AGBL1: variants seen among roughly 807,000 people sequenced by gnomAD.
AGBL1 encodes AGBL carboxypeptidase 1.
A neutral mutation model predicts 118.9 loss-of-function variants in AGBL1; 130 were observed. The observed-to-expected ratio is 1.09, with a 90% confidence interval of 0.95 to 1.26. The LOEUF (loss-of-function observed/expected upper bound fraction) is 1.26. Among genes scored for constraint, AGBL1 ranks in the 50% most tolerant of loss-of-function variants. AGBL1 has a pLI of 0.00. For missense variants in AGBL1, 1,584 were observed against 1,298.1 expected, an observed-to-expected ratio of 1.22 and a Z score of -3.38; for synonymous variants, 555 against 478.9, an observed-to-expected ratio of 1.16 and a Z score of -2.08.
At chr15:86,874,409 C>CACACACACACACACA in intron 22 of AGBL1, among the ~76,000 whole-genome samples, 1 of 151,100 alleles carries the variant, frequency 6.6e-6, no homozygotes, top group Non-Finnish European at 1.5e-5. Flanking sequence ...CACACACACA[C>CACACACACACACACA]CCTGGGGCCA....
At chr15:86,133,544 T>G (rs2076846281) in intron 1 of AGBL1, among the ~76,000 whole-genome samples, 1 of 152,258 alleles carries the variant, frequency 6.6e-6, no homozygotes. Flanking sequence ...ACATGCTGTC[T>G]ATGTATTCGT....
At chr15:86,863,448 C>G (rs944959642) in intron 22 of AGBL1, among the ~76,000 whole-genome samples, 1 of 151,944 alleles carries the variant, frequency 6.6e-6, no homozygotes, top group African/African-American at 2.4e-5. Flanking sequence ...TAATGGATGT[C>G]TCATCCACAG....
rs950673114 is a variant in AGBL1, at chr15:86,676,290, A to G, written c.3158+1854A>G. Among the ~76,000 whole-genome samples, 6 of 152,096 alleles carry G rather than the reference A, an allele frequency of 3.9e-5. 1 individual carries two copies. Among genetic ancestry groups the G allele is most frequent in the Admixed American group, 2.6e-4 (4 of 15,274 alleles). On this transcript the variant is annotated intron_variant, in intron 22 of 22. Transcript: ENST00000614907. ...TTCACCCAGACATTTGTATGGTAAT[A>G]TATTTTCCTATTCGTTATGATGCAG...
At chr15:86,969,438 C>T (rs2081085254) in intron 23 of AGBL1, among the ~76,000 whole-genome samples, 1 of 151,696 alleles carries the variant, frequency 6.6e-6, no homozygotes, top group African/African-American at 2.4e-5. Flanking sequence ...AGTGGAACAC[C>T]TTAAGTCTCT....
chr15:86,964,031 C>CTCTGTG (rs1183866210), intron 23 of AGBL1, among the ~76,000 whole-genome samples: 13,388 of 145,898 alleles, frequency 0.092, 757 homozygotes, highest in East Asian at 0.18. Flanking sequence ...CTCTCTCTCT[C>CTCTGTG]TGTGTGTGTG....
chr15:86,141,145 C>T (rs1336960530), intron 1 of AGBL1, among the ~76,000 whole-genome samples: 7 of 152,206 alleles, frequency 4.6e-5, no homozygotes, highest in Non-Finnish European at 8.8e-5. Context: ...TCAGGAGACT[C>T]AGCAAGTCCA....
intron 22 of AGBL1, among the ~76,000 whole-genome samples, chr15:86,686,816 C>A (rs144283730): frequency 1.1e-4 from 17 of 152,078 alleles, no homozygotes; most frequent in African/African-American, 3.9e-4. Flanking sequence ...TATACATATC[C>A]CATTGGACAG....
intron 24 of AGBL1, among the ~76,000 whole-genome samples, chr15:87,009,691 C>T (rs1596736612): frequency 6.6e-6 from 1 of 152,194 alleles, no homozygotes; most frequent in African/African-American, 2.4e-5. Context: ...CCTGTGAAGC[C>T]ACAGGGGCAG....
chr15:86,659,604 A>T (rs1596345048), intron 21 of AGBL1, among the ~76,000 whole-genome samples: 1 of 152,116 alleles, frequency 6.6e-6, no homozygotes, highest in African/African-American at 2.4e-5. Context: ...AATACATCCC[A>T]GTTCTTTTGT....
chr15:86,149,867 A>G (rs1425069071), intron 3 of AGBL1, among the ~76,000 whole-genome samples: 3 of 152,214 alleles, frequency 2.0e-5, no homozygotes, highest in Non-Finnish European at 4.4e-5. Context: ...AATAGACCAC[A>G]TAATTGGAAG....
chr15:86,587,650 T>C (rs1430035219), intron 21 of AGBL1, among the ~76,000 whole-genome samples: 3 of 152,202 alleles, frequency 2.0e-5, no homozygotes, highest in African/African-American at 7.2e-5. Flanking sequence ...TGAGGGTGTG[T>C]ACCTTTTAGT....
At position 86,615,251 on chromosome 15, in the gene AGBL1, G is replaced by C. The variant is rs2084705325; in HGVS notation, c.2995-59022G>C. Among the ~76,000 whole-genome samples, 1 of 152,170 alleles carries C rather than the reference G, an allele frequency of 6.6e-6. No homozygotes were observed. On this transcript the variant is annotated intron_variant, in intron 21 of 22. Coordinates refer to ENST00000614907, the MANE Select transcript of AGBL1 (RefSeq NM_001386094.1). The surrounding 1 kb of genome is among the most constrained non-coding windows in gnomAD (Gnocchi z 4.3). ...ATTGGAAGTAGAGTAGAGGGCCAGG[G>C]AGACTAAAAACAGACTATTGACTAA... is the stretch of plus-strand genomic sequence containing the variant.
chr15:86,958,036 CT>C (rs1449596293), intron 23 of AGBL1, among the ~76,000 whole-genome samples: 2 of 151,404 alleles, frequency 1.3e-5, no homozygotes, highest in Non-Finnish European at 2.9e-5. Context: ...ACCCTTGTAA[CT>C]TAAAAATAAA....
intron 17 of AGBL1, chr15:86,296,010 A>G (rs565690370): frequency 6.5e-6 from 1 of 153,114 alleles, no homozygotes; most frequent in Non-Finnish European, 1.5e-5. Flanking sequence ...AGACGTGTAG[A>G]CACAAACATA....
chr15:86,143,849 C>G lies in AGBL1; in HGVS notation c.262+4C>G. ...CTGGCCAAAGTTGGCCTAAGAGGTA[C>G]TCGTACTCCAAGACCTAAAGCTGAC... On this transcript the variant is annotated splice_donor_region_variant and intron_variant, in intron 3 of 22. Transcript: ENST00000614907. The G allele has an allele frequency of 6.2e-7, 1 of 1,613,386 alleles. No homozygotes were observed.
At chr15:86,243,285 CAGTTTTTAA>C (rs2078667830) in intron 6 of AGBL1, among the ~76,000 whole-genome samples, 1 of 152,162 alleles carries the variant, frequency 6.6e-6, no homozygotes, top group African/African-American at 2.4e-5. Context: ...TATTCCCTTC[CAGTTTTTAA>C]GTGTAAAAAT....
At chr15:86,663,737 ATG>A (rs1277756560) in intron 21 of AGBL1, among the ~76,000 whole-genome samples, 1 of 152,172 alleles carries the variant, frequency 6.6e-6, no homozygotes, top group African/African-American at 2.4e-5. Flanking sequence ...AAACAAATCC[ATG>A]AAGTATAAAG....
intron 24 of AGBL1, among the ~76,000 whole-genome samples, chr15:86,998,977 A>T (rs1039746294): frequency 6.6e-6 from 1 of 151,040 alleles, no homozygotes; most frequent in South Asian, 2.1e-4. Context: ...CTCATCATTT[A>T]CATTAGGTGT....
chr15:86,421,048 C>A (rs2081782204), intron 18 of AGBL1, among the ~76,000 whole-genome samples: 1 of 152,156 alleles, frequency 6.6e-6, no homozygotes, highest in African/African-American at 2.4e-5. Context: ...AGGATATTAT[C>A]CGGGAAAACT....
Sources: gnomAD v4.1 joint callset for allele counts (sites outside exome capture counted in the v4.1 genomes callset) on GRCh38, gnomAD v4.1.1 for gene constraint, Gnocchi (gnomAD v3.1) non-coding constraint, MANE v1.5 for transcripts, NCBI Gene and HGNC (gene_info 2026-07-23, HGNC 2026-07-21) for gene names.